The following BRD1 variants were observed in gnomAD, a reference collection of about 807,000 sequenced individuals.
BRD1 encodes bromodomain-containing protein 1.
In BRD1, 24 loss-of-function variants were observed where a neutral mutation model predicts 107.7. The ratio of observed to expected loss-of-function variants is 0.22; its 90% confidence interval spans 0.16 to 0.31. BRD1 has a LOEUF of 0.31. BRD1 is among the 10% of genes least tolerant of loss of function. The pLI is 1.00. For synonymous variants in BRD1, 744 were observed against 686.1 expected, an observed-to-expected ratio of 1.08 and a Z score of -1.32; for missense variants, 1,279 against 1,638.6, an observed-to-expected ratio of 0.78 and a Z score of 3.79.
In BRD1 at chr22:49,775,688, C is replaced by T; in HGVS notation, c.3289G>A (p.Ala1097Thr). 1.2e-6 allele frequency: 2 copies of T among 1,613,742 alleles called. No homozygotes were observed. The highest frequency in any genetic ancestry group is 1.7e-4 in the Middle Eastern group (1 of 6,054). The part of the protein sequence containing the change: ...PGHHNGVTIP[A>T]PPLDVLKIGE... ...ATCTTCAGCACGTCCAGGGGTGGGG[C>T]CGGGATGGTGACGCCGTTGTGGTGG... The change falls in exon 12 of 13, where the codon GCC becomes ACC. Residue 1097 changes from alanine to threonine, a missense_variant. By Grantham distance (58) the Ala-to-Thr change is moderately conservative. Transcript: ENST00000404760.
At chr22:49,778,441 G>A (rs1377290205) in intron 8 of BRD1, among the ~76,000 whole-genome samples, 2 of 152,200 alleles carry the variant, frequency 1.3e-5, no homozygotes, top group African/African-American at 4.8e-5. Flanking sequence ...TGCAAGTACT[G>A]TACACAGCTA....
At chr22:49,790,461 G>A (rs1485760924) in intron 7 of BRD1, among the ~76,000 whole-genome samples, 1 of 152,212 alleles carries the variant, frequency 6.6e-6, no homozygotes, top group Non-Finnish European at 1.5e-5. Flanking sequence ...CCCCGTCAAT[G>A]TATCAGTCAG....
chr22:49,801,971 C>T (rs1028383784), intron 3 of BRD1, among the ~76,000 whole-genome samples: 6 of 152,226 alleles, frequency 3.9e-5, no homozygotes, highest in Admixed American at 6.5e-5. Flanking sequence ...CACCGCTGGA[C>T]GTCCCGTTTG....
At chr22:49,789,956 G>A (rs2059401498) in intron 7 of BRD1, among the ~76,000 whole-genome samples, 1 of 152,176 alleles carries the variant, frequency 6.6e-6, no homozygotes, top group African/African-American at 2.4e-5. Context: ...TCCCAAAGCG[G>A]GCCCCTGTGG....
chr22:49,804,685 C>A (rs1303873977), intron 2 of BRD1, among the ~76,000 whole-genome samples: 1 of 152,060 alleles, frequency 6.6e-6, no homozygotes, highest in African/African-American at 2.4e-5. Context: ...CCCGTCTCTA[C>A]CAAAAATACA....
rs2060099826 is a variant in BRD1 at position 49,823,042 on chromosome 22, C to G, written c.1276G>C (p.Val426Leu). Residue 426 changes from valine (V) to leucine (L), a missense_variant, in exon 2 of 13, where the codon GTC becomes CTC. Physicochemically the swap from Val to Leu is conservative, Grantham distance 32. Around this residue, in one of 7 missense-constraint regions of BRD1, gnomAD observed 87 missense variants for 77.1 expected, o/e 1.13. Coordinates refer to ENST00000404760, the MANE Select transcript of BRD1 (RefSeq NM_001304808.3). Reference protein sequence around the residue: ...SVKTVRSTSKVRKKAKKAKKA... With the variant: ...SVKTVRSTSKLRKKAKKAKKA... ...TTAGCCTTTTTTGCCTTCTTCCTGA[C>G]CTTGGATGTGGACCTGACCGTTTTA... is the stretch of plus-strand genomic sequence containing the variant. The G allele has an allele frequency of 1.2e-6, 2 of 1,614,238 alleles. No homozygotes were observed. The highest frequency in any genetic ancestry group is 1.7e-5 in the Admixed American group (1 of 60,024).
chr22:49,789,997 G>A (rs562558374), intron 7 of BRD1, among the ~76,000 whole-genome samples: 2 of 152,282 alleles, frequency 1.3e-5, no homozygotes, highest in South Asian at 2.1e-4. Context: ...CACCCCACAC[G>A]CCCCTGGCCT....
intron 2 of BRD1, among the ~76,000 whole-genome samples, chr22:49,813,520 C>A (rs913909448): frequency 6.6e-6 from 1 of 151,290 alleles, no homozygotes; most frequent in African/African-American, 2.4e-5. Context: ...CCACACCCAG[C>A]CTTTTATTTT....
At chr22:49,790,124 G>A (rs144719918) in intron 7 of BRD1, among the ~76,000 whole-genome samples, 321 of 152,300 alleles carry the variant, frequency 2.1e-3, no homozygotes, top group Non-Finnish European at 2.7e-3. Context: ...AACAGAGGTC[G>A]CTGTCGTCTG....
In BRD1 at chr22:49,774,115, G is replaced by T; in HGVS notation, c.*118C>A. Reference sequence around the variant, plus strand: ...TGGAAATAAAACCTCCCCCCTCCCCGGGGAAAAAGAATTAAAGAGCTATAA... The same window carrying T: ...TGGAAATAAAACCTCCCCCCTCCCCTGGGAAAAAGAATTAAAGAGCTATAA... On this transcript the variant is annotated 3_prime_UTR_variant, in exon 13 of 13. Coordinates refer to ENST00000404760, the MANE Select transcript of BRD1 (RefSeq NM_001304808.3). 1 of 1,344,814 alleles carries T rather than the reference G, an allele frequency of 7.4e-7. No homozygotes were observed. Among genetic ancestry groups the T allele is most frequent in the Non-Finnish European group, 9.9e-7 (1 of 1,013,118 alleles). 83.3% of individuals were successfully genotyped at this position (1,344,814 alleles called of 1,614,324 possible). A position where few individuals can be genotyped will look rare whatever the true frequency, so the allele number is the denominator to read the frequency against.
intron 7 of BRD1, among the ~76,000 whole-genome samples, chr22:49,790,490 C>G (rs1192489343): frequency 6.6e-6 from 1 of 152,168 alleles, no homozygotes; most frequent in Non-Finnish European, 1.5e-5. Flanking sequence ...AATTCCAGTC[C>G]CTGGAACTTG....
chr22:49,796,882 A>G (rs2059544011), intron 6 of BRD1, among the ~76,000 whole-genome samples: 1 of 152,232 alleles, frequency 6.6e-6, no homozygotes, highest in Non-Finnish European at 1.5e-5. Context: ...AGAGAGGAAG[A>G]GGGCCAGGCC....
chr22:49,809,833 C>A (rs547669579), intron 2 of BRD1, among the ~76,000 whole-genome samples: 2 of 152,274 alleles, frequency 1.3e-5, no homozygotes, highest in African/African-American at 4.8e-5. Context: ...ACAATGAGAA[C>A]TGTTAAACCT....
chr22:49,780,077 G>A (rs147055500), intron 8 of BRD1, among the ~76,000 whole-genome samples: 179 of 152,282 alleles, frequency 1.2e-3, no homozygotes, highest in African/African-American at 4.1e-3. Context: ...GCCGAGCAAC[G>A]GCCACTTGGG....
chr22:49,824,776 T>C lies in BRD1; in HGVS notation c.-14-445A>G, dbSNP rs1018705150. 6 of 1,022,154 alleles carry C rather than the reference T, an allele frequency of 5.9e-6. No individual in the cohort carries two copies. The highest frequency in any genetic ancestry group is 5.9e-6 in the Non-Finnish European group (5 of 850,648). 63.3% of individuals were successfully genotyped at this position (1,022,154 alleles called of 1,614,324 possible). On this transcript the variant is annotated intron_variant, in intron 1 of 12. Transcript: ENST00000404760. This position sits in a 1 kb window ranked among gnomAD's most constrained non-coding sequence, Gnocchi z 5.9. ...AGAGGCTATGCCCACCAGACAGGCA[T>C]GCTCAGTGGCTACCTGGTCCTATCG...
At chr22:49,776,727 G>A (rs925777626) in intron 10 of BRD1, among the ~76,000 whole-genome samples, 4 of 152,218 alleles carry the variant, frequency 2.6e-5, no homozygotes, top group African/African-American at 9.6e-5. Flanking sequence ...AGCTGCAAAT[G>A]ACCACTGAAC....
chr22:49,775,298 AT>A, intron 12 of BRD1: 1 of 224,304 alleles, frequency 4.5e-6, no homozygotes, highest in Non-Finnish European at 8.7e-6. Flanking sequence ...GAGCGGACAC[AT>A]GGGTAAGGAG....
intron 6 of BRD1, among the ~76,000 whole-genome samples, chr22:49,795,328 A>G (rs2147117506): frequency 6.6e-6 from 1 of 152,348 alleles, no homozygotes; most frequent in South Asian, 2.1e-4. Context: ...TGCTGAGAAG[A>G]GCAGCAGGTG....
chr22:49,786,796 T>C (rs2059333909), intron 8 of BRD1, among the ~76,000 whole-genome samples: 1 of 152,034 alleles, frequency 6.6e-6, no homozygotes, highest in Non-Finnish European at 1.5e-5. Flanking sequence ...TACACCTGAA[T>C]TCATTCTCAG....
Sources: allele counts gnomAD v4.1 joint callset (sites outside exome capture counted in the v4.1 genomes callset), GRCh38; gene constraint gnomAD v4.1.1; regional missense constraint gnomAD v4.1.1; non-coding constraint Gnocchi (gnomAD v3.1); transcripts MANE v1.5; gene names NCBI Gene and HGNC (gene_info 2026-07-23, HGNC 2026-07-21).